The following CLPTM1L variants were observed in gnomAD, a reference collection of about 807,000 sequenced individuals.
CLPTM1L encodes CLPTM1 like.
Under a neutral mutation model 70.9 loss-of-function variants are expected in CLPTM1L, and 38 were observed. The ratio of observed to expected loss-of-function variants is 0.54; its 90% CI spans 0.41 to 0.70. CLPTM1L has a LOEUF of 0.70. Ranked by LOEUF, CLPTM1L falls within the 30% of genes least tolerant of loss-of-function variation. The pLI, the probability that CLPTM1L is intolerant of heterozygous loss-of-function variation, is 0.00. For synonymous variants in CLPTM1L, 339 were observed against 299.9 expected (o/e 1.13, Z -1.35); for missense variants, 652 against 705.9 (o/e 0.92, Z 0.87).
In CLPTM1L at chr5:1,344,579, C is replaced by T. The variant is rs1754156960; in HGVS notation, c.162+101G>A. ...CCAGGAAAGGTTCCATCTCGACTCG[C>T]GCGGCCACAGCTCCGAACTGGGACG... is the stretch of plus-strand genomic sequence containing the variant. On this transcript the variant is annotated intron_variant, in intron 1 of 16. Transcript: ENST00000320895. 7 of 1,463,546 alleles carry T rather than the reference C, an allele frequency of 4.8e-6. No individual in the cohort carries two copies. The Admixed American group carries it at 6.0e-5, about 13-fold the overall frequency. 90.7% of individuals were successfully genotyped at this position (1,463,546 alleles called of 1,614,324 possible).
At position 1,325,815 on chromosome 5, in the gene CLPTM1L, A is replaced by G; in HGVS notation, c.1082T>C (p.Leu361Pro). The change falls in exon 10 of 17, where the codon CTG (leucine) becomes CCG (proline). Residue 361 changes from leucine (L) to proline (P), a missense_variant and splice_region_variant. Physicochemically the swap from Leu to Pro is moderately conservative, Grantham distance 98. This residue lies in a region of CLPTM1L where 240 missense variants were observed against 295.0 expected (regional missense o/e 0.81). Coordinates refer to ENST00000320895, the MANE Select transcript of CLPTM1L (RefSeq NM_030782.5). ...VPAGVGAAIE[L>P]WKVKKALKMT... Reference sequence around the variant, plus strand: ...CTTCAATGCCTTCTTCACTTTCCACAGCTGAGGGGAGAAATCAGGAAATAG... The same window carrying G: ...CTTCAATGCCTTCTTCACTTTCCACGGCTGAGGGGAGAAATCAGGAAATAG... 6.2e-7 allele frequency: 1 copy of G among 1,613,472 alleles called. No individual in the cohort carries two copies. The highest frequency in any genetic ancestry group is 8.5e-7 in the Non-Finnish European group (1 of 1,179,524).
chr5:1,337,733 C>A (rs1249383796), intron 5 of CLPTM1L, among the ~76,000 whole-genome samples, 171 bp downstream of exon 5: 1 of 152,196 alleles, frequency 6.6e-6, no homozygotes, highest in Non-Finnish European at 1.5e-5. Context: ...ACCACCAGGG[C>A]CCCCCTGTCA....
rs1752346066 is a variant in CLPTM1L at position 1,323,953 on chromosome 5, G to A, written c.1198-84C>T. 5 of 1,085,256 alleles carry A rather than the reference G, an allele frequency of 4.6e-6. No homozygotes were observed. In the Admixed American group the frequency reaches 9.0e-5, roughly 19 times the overall value. 67.2% of individuals were successfully genotyped at this position (1,085,256 alleles called of 1,614,324 possible). On this transcript the variant is annotated intron_variant, in intron 11 of 16. Coordinates refer to ENST00000320895, the MANE Select transcript of CLPTM1L (RefSeq NM_030782.5). ...CACTGCATGGAGCTCACCCCGACAG[G>A]GACAGACAGAACGAGCTACAGCGCT...
intron 3 of CLPTM1L, among the ~76,000 whole-genome samples, chr5:1,340,693 C>T (rs1040271004): frequency 6.6e-6 from 1 of 152,158 alleles, no homozygotes; most frequent in South Asian, 2.1e-4. Flanking sequence ...GTTGGTAGGG[C>T]TTTCAAAACC....
At position 1,318,922 on chromosome 5, in the gene CLPTM1L, G is replaced by A. The variant is rs370431430; in HGVS notation, c.1533-469C>T. 2.8e-4 allele frequency among the ~76,000 whole-genome samples: 42 copies of A among 152,158 alleles called. No individual in the cohort carries two copies. The East Asian group carries it at 7.8e-3, about 28-fold the overall frequency. On this transcript the variant is annotated intron_variant, in intron 16 of 16. Transcript: ENST00000320895. The surrounding 1 kb of genome is among the most constrained non-coding windows in gnomAD (Gnocchi z 8.9). ...AACATCACCCCTACGTATGGATGAG[G>A]AAGCTGTGGCATAAGGGGCAGCTCT...
chr5:1,331,962 T>G (rs1579638690), intron 7 of CLPTM1L, 79 bp from the exon 8 acceptor site: 2 of 1,203,800 alleles, frequency 1.7e-6, no homozygotes, highest in East Asian at 4.8e-5. Context: ...AGGCTTCGTG[T>G]GTGACCGTGA....
At position 1,328,668 on chromosome 5, in the gene CLPTM1L, T is replaced by G. The variant is rs543108573; in HGVS notation, c.1080+1612A>C. ...CAGACAGTTTTCTTCCAGCTCCTTG[T>G]CTACAGACACATTTCATCCAGCTCC... is the stretch of plus-strand genomic sequence containing the variant. On this transcript the variant is annotated intron_variant, in intron 9 of 16. Transcript: ENST00000320895. Among the ~76,000 whole-genome samples the G allele has an allele frequency of 1.7e-3, 257 of 150,702 alleles. 12 individuals carry two copies. Among genetic ancestry groups the G allele is most frequent in the African/African-American group, 5.8e-3 (234 of 40,616 alleles).
chr5:1,341,168 A>G (rs141379405), intron 3 of CLPTM1L, among the ~76,000 whole-genome samples: 117 of 152,354 alleles, frequency 7.7e-4, no homozygotes, highest in African/African-American at 2.6e-3. Context: ...AGTGACTTCC[A>G]GTTTTTATTT....
At chr5:1,332,787 T>C (rs1040561265) in intron 7 of CLPTM1L, among the ~76,000 whole-genome samples, 2 of 152,268 alleles carry the variant, frequency 1.3e-5, no homozygotes, top group Admixed American at 6.5e-5. Context: ...GCTTAACTTA[T>C]AAATTGAACT....
In CLPTM1L at chr5:1,318,282, G is replaced by T; in HGVS notation, c.*87C>A. 1 of 1,081,362 alleles carries T rather than the reference G, an allele frequency of 9.2e-7. No homozygotes were observed. The highest frequency in any genetic ancestry group is 1.4e-6 in the Non-Finnish European group (1 of 712,932). 67.0% of individuals were successfully genotyped at this position (1,081,362 alleles called of 1,614,324 possible). A position where few individuals can be genotyped will look rare whatever the true frequency, so the allele number is the denominator to read the frequency against. On this transcript the variant is annotated 3_prime_UTR_variant, in exon 17 of 17. Coordinates refer to ENST00000320895, the MANE Select transcript of CLPTM1L (RefSeq NM_030782.5). This position sits in a 1 kb window ranked among gnomAD's most constrained non-coding sequence, Gnocchi z 8.9. ...AAGGGATTTTGGCAACACAGAAAAC[G>T]CAATGTCTAGGAATTCCTCCAAATG...
At chr5:1,335,949 C>A (rs1472750616) in intron 5 of CLPTM1L, among the ~76,000 whole-genome samples, 2 of 147,868 alleles carry the variant, frequency 1.4e-5, no homozygotes, top group African/African-American at 5.0e-5. Flanking sequence ...AAGCCCTGAC[C>A]CGCCACCCTC....
rs554874473 is a variant in CLPTM1L at position 1,318,960 on chromosome 5, A to G, written c.1533-507T>C. 6.6e-6 allele frequency among the ~76,000 whole-genome samples: 1 copy of G among 152,334 alleles called. No homozygotes were observed. Among genetic ancestry groups the G allele is most frequent in the East Asian group, 1.9e-4 (1 of 5,186 alleles). ...AAGGGGCAGCTCTACACGGCCGCGA[A>G]CAGAAGTACAGGGTTTCAGCTTAAA... is the stretch of plus-strand genomic sequence containing the variant. On this transcript the variant is annotated intron_variant, in intron 16 of 16. Coordinates refer to ENST00000320895, the MANE Select transcript of CLPTM1L (RefSeq NM_030782.5). This position sits in a 1 kb window ranked among gnomAD's most constrained non-coding sequence, Gnocchi z 8.9.
intron 7 of CLPTM1L, among the ~76,000 whole-genome samples, chr5:1,333,069 G>C (rs1753228539): frequency 1.6e-5 from 2 of 123,264 alleles, no homozygotes; most frequent in African/African-American, 3.3e-5. Context: ...AGGATAAGGG[G>C]GGACTACTGT....
Position 1,334,217 on chromosome 5 carries a change from AC to A in CLPTM1L, c.891+71del, listed in dbSNP as rs552939112. ...GGCGCCCACAAACCCCAGGTCCAGG[AC>A]CCCTGCAGGAGGCCCGGGGCCCAGG... On this transcript the variant is annotated intron_variant, in intron 7 of 16. Transcript: ENST00000320895. The A allele has an allele frequency of 4.4e-3, 4,779 of 1,092,820 alleles. 12 individuals are homozygous for A. Among genetic ancestry groups the A allele is most frequent in the Non-Finnish European group, 5.2e-3 (3,760 of 719,988 alleles). The allele number at this position is 1,092,820 out of a possible 1,614,324, so 67.7% of individuals were successfully genotyped here.
chr5:1,330,271 G>A lies in CLPTM1L; in HGVS notation c.1080+9C>T, dbSNP rs367942927. The A allele has an allele frequency of 3.7e-5, 60 of 1,607,350 alleles. No individual in the cohort carries two copies. Among genetic ancestry groups the A allele is most frequent in the South Asian group, 3.6e-4 (33 of 90,978 alleles). On this transcript the variant is annotated intron_variant, in intron 9 of 16. Transcript: ENST00000320895. The stretch of plus-strand genomic sequence containing the variant: ...CCTCAGACAGTTCAGGTCACTGCCC[G>A]GAACTCACCTCAATGGCGGCTCCAA...
chr5:1,318,919 G>T lies in CLPTM1L; in HGVS notation c.1533-466C>A, dbSNP rs1049257769. Among the ~76,000 whole-genome samples the T allele has an allele frequency of 6.6e-6, 1 of 152,104 alleles. No individual in the cohort carries two copies. Among genetic ancestry groups the T allele is most frequent in the Non-Finnish European group, 1.5e-5 (1 of 68,018 alleles). On this transcript the variant is annotated intron_variant, in intron 16 of 16. Coordinates refer to ENST00000320895, the MANE Select transcript of CLPTM1L (RefSeq NM_030782.5). This position sits in a 1 kb window ranked among gnomAD's most constrained non-coding sequence, Gnocchi z 8.9. ...GCCAACATCACCCCTACGTATGGAT[G>T]AGGAAGCTGTGGCATAAGGGGCAGC...
intron 9 of CLPTM1L, among the ~76,000 whole-genome samples, chr5:1,328,700 A>T (rs1021968933): frequency 6.7e-6 from 1 of 148,166 alleles, no homozygotes; most frequent in African/African-American, 2.5e-5. Flanking sequence ...CTCCTCCTCT[A>T]TAGACACATT....
chr5:1,325,042 G>A (rs963478324), intron 10 of CLPTM1L: 8 of 594,552 alleles, frequency 1.3e-5, no homozygotes, highest in Middle Eastern at 4.4e-4. Context: ...GGGGCAACGC[G>A]GCCTCACTGC....
In CLPTM1L at chr5:1,318,531, GATTT is replaced by G; in HGVS notation, c.1533-82_1533-79del. On this transcript the variant is annotated intron_variant, in intron 16 of 16. Coordinates refer to ENST00000320895, the MANE Select transcript of CLPTM1L (RefSeq NM_030782.5). The surrounding 1 kb of genome is among the most constrained non-coding windows in gnomAD (Gnocchi z 8.9). ...TCTAAGAGGAGGACTTGGCATCCTC[GATTT>G]ATTTTCCAGTGAGCTGCCACAGTGA... The G allele has an allele frequency of 4.1e-6, 5 of 1,207,540 alleles. No homozygotes were observed. The highest frequency in any genetic ancestry group is 6.1e-6 in the Non-Finnish European group (5 of 825,122). 74.8% of individuals were successfully genotyped at this position (1,207,540 alleles called of 1,614,324 possible).
Sources: gnomAD v4.1 joint callset for allele counts (sites outside exome capture counted in the v4.1 genomes callset) on GRCh38, gnomAD v4.1.1 for gene constraint, gnomAD v4.1.1 regional missense constraint, Gnocchi (gnomAD v3.1) non-coding constraint, MANE v1.5 for transcripts, NCBI Gene and HGNC (gene_info 2026-07-23, HGNC 2026-07-21) for gene names.